The following TENM4 variants were observed in gnomAD, a reference collection of about 807,000 sequenced individuals.
TENM4 encodes the protein teneurin-4.
TENM4 carries 82 observed loss-of-function variants against 243.3 expected under a neutral mutation model. That is an observed-to-expected ratio of 0.34 (90% confidence interval 0.28 to 0.40). TENM4 has a LOEUF of 0.40. Among genes scored for constraint, TENM4 ranks in the 10% least tolerant of loss-of-function variants. The pLI, the probability that TENM4 is intolerant of heterozygous loss-of-function variation, is 1.00. For missense variants in TENM4, 3,138 were observed against 3,673.3 expected (o/e 0.85, Z 3.77); for synonymous variants, 1,412 against 1,456.3 (o/e 0.97, Z 0.69).
At chr11:79,027,475 G>A (rs866561015) in intron 6 of TENM4, among the ~76,000 whole-genome samples, 1 of 152,206 alleles carries the variant, frequency 6.6e-6, no homozygotes, top group African/African-American at 2.4e-5. Context: ...ATGTAGGTTA[G>A]GTGGCCACAG....
Position 78,732,384 on chromosome 11 carries a change from A to G in TENM4, c.3070T>C (p.Ser1024Pro), listed in dbSNP as rs1371957640. The G allele has an allele frequency of 1.2e-6, 2 of 1,613,908 alleles. No individual in the cohort carries two copies. The highest frequency in any genetic ancestry group is 1.7e-6 in the Non-Finnish European group (2 of 1,179,860). ...SNFARPNPVV[S>P]PSPLTSFASS... ...GCGAAGGACGTCAGTGGGGATGGAG[A>G]GACGACTGGGTTGGGGCGGGCAAAA... Residue 1024 changes from serine (S) to proline (P), a missense_variant, in exon 21 of 34, where the codon TCT (serine) becomes CCT (proline). Ser to Pro is a moderately conservative substitution (Grantham distance 74). Around this residue, in one of 2 missense-constraint regions of TENM4, gnomAD observed 2,467 missense variants for 3,059.1 expected, o/e 0.81. Coordinates refer to ENST00000278550, the MANE Select transcript of TENM4 (RefSeq NM_001098816.3).
chr11:79,292,951 T>C (rs747814360), intron 2 of TENM4, among the ~76,000 whole-genome samples: 6 of 152,192 alleles, frequency 3.9e-5, no homozygotes, highest in Admixed American at 6.5e-5. Context: ...CTATAAACCC[T>C]GTACCCTGTT....
chr11:79,123,963 T>C (rs780231842), intron 4 of TENM4, among the ~76,000 whole-genome samples: 1 of 152,096 alleles, frequency 6.6e-6, no homozygotes, highest in Non-Finnish European at 1.5e-5. Context: ...ACTTTCTTTT[T>C]CTTCTTCTTC....
intron 6 of TENM4, among the ~76,000 whole-genome samples, chr11:78,911,648 C>G (rs906529938): frequency 2.6e-5 from 4 of 152,106 alleles, no homozygotes; most frequent in African/African-American, 9.7e-5. Flanking sequence ...AGGGTGGGGC[C>G]CCAGTAGTGG....
Position 78,935,651 on chromosome 11 carries a change from A to G in TENM4, c.494-32128T>C, listed in dbSNP as rs76922225. Among the ~76,000 whole-genome samples the G allele has an allele frequency of 5.1e-3, 783 of 152,342 alleles. 4 individuals are homozygous for G. Among genetic ancestry groups the G allele is most frequent in the African/African-American group, 0.018 (748 of 41,574 alleles). ...CACAGAGTAAGGAACAGAGTATCAA[A>G]TACACATTTAAGAAAGTTCAAAGTC... On this transcript the variant is annotated intron_variant, in intron 6 of 33. Coordinates refer to ENST00000278550, the MANE Select transcript of TENM4 (RefSeq NM_001098816.3).
chr11:79,100,327 A>G (rs1392205205), intron 4 of TENM4, among the ~76,000 whole-genome samples: 2 of 151,694 alleles, frequency 1.3e-5, no homozygotes, highest in African/African-American at 4.8e-5. Flanking sequence ...GTGAGTACCC[A>G]AAGCTCCAGC....
chr11:78,921,766 C>T (rs577571861), intron 6 of TENM4, among the ~76,000 whole-genome samples: 1 of 152,338 alleles, frequency 6.6e-6, no homozygotes, highest in South Asian at 2.1e-4. Flanking sequence ...CTGCCTATCT[C>T]ACTTGTGATC....
chr11:78,830,473 T>G (rs1441960035), intron 12 of TENM4, among the ~76,000 whole-genome samples: 1 of 152,102 alleles, frequency 6.6e-6, no homozygotes, highest in East Asian at 1.9e-4. Flanking sequence ...TTCAAAGGAA[T>G]GTAACGGAAA....
intron 4 of TENM4, chr11:79,096,986 A>C (rs577137675): frequency 2.0e-5 from 3 of 152,200 alleles, no homozygotes; most frequent in African/African-American, 7.3e-5. Context: ...CTTGTGTAGA[A>C]GTACACAAAC....
chr11:79,305,617 GGAACCTCT>G (rs1292161786), intron 1 of TENM4, among the ~76,000 whole-genome samples: 4 of 152,202 alleles, frequency 2.6e-5, no homozygotes, highest in African/African-American at 9.6e-5. Context: ...AAGGAGATGC[GGAACCTCT>G]GACCGAGCAC....
chr11:79,137,603 G>T (rs1017431985), intron 4 of TENM4, among the ~76,000 whole-genome samples: 1 of 152,168 alleles, frequency 6.6e-6, no homozygotes. Flanking sequence ...CCGAAATGAG[G>T]ACTGTAATTG....
At chr11:79,062,259 C>G (rs971359742) in intron 6 of TENM4, among the ~76,000 whole-genome samples, 1 of 152,168 alleles carries the variant, frequency 6.6e-6, no homozygotes, top group Non-Finnish European at 1.5e-5. Flanking sequence ...CCATGCCCAG[C>G]CATACAACTA....
chr11:79,003,980 C>T (rs1338813768), intron 6 of TENM4, among the ~76,000 whole-genome samples: 3 of 139,212 alleles, frequency 2.2e-5, no homozygotes, highest in Non-Finnish European at 4.6e-5. Flanking sequence ...ACAGGGGTTG[C>T]TATTCTAATT....
chr11:79,337,654 A>G (rs1306351694), intron 1 of TENM4, among the ~76,000 whole-genome samples: 1 of 152,174 alleles, frequency 6.6e-6, no homozygotes, highest in Admixed American at 6.5e-5. Context: ...AAATGGGGAA[A>G]CTGGGGAAAC....
intron 4 of TENM4, among the ~76,000 whole-genome samples, chr11:79,074,198 T>A (rs1860481740): frequency 6.6e-6 from 1 of 152,186 alleles, no homozygotes; most frequent in Non-Finnish European, 1.5e-5. Context: ...ATATTTACTG[T>A]TTTTGAACAG....
intron 6 of TENM4, among the ~76,000 whole-genome samples, chr11:79,041,108 G>A (rs1335937739): frequency 6.7e-6 from 1 of 149,182 alleles, no homozygotes; most frequent in East Asian, 2.0e-4. Context: ...CTGTCACCTT[G>A]GCTGGCGTGC....
intron 30 of TENM4, 106 bp downstream of exon 30, chr11:78,676,046 C>A: frequency 9.2e-7 from 1 of 1,088,366 alleles, no homozygotes; most frequent in Non-Finnish European, 1.3e-6. Flanking sequence ...TCCCCTTTTG[C>A]AGATGAGTGA....
chr11:79,095,496 A>C (rs1375136747), intron 4 of TENM4, among the ~76,000 whole-genome samples: 3 of 152,212 alleles, frequency 2.0e-5, no homozygotes, highest in African/African-American at 7.2e-5. Context: ...ATGAGAGGAC[A>C]CTGCATTATC....
intron 6 of TENM4, among the ~76,000 whole-genome samples, chr11:78,905,413 G>A (rs1045538479): frequency 6.6e-6 from 1 of 152,138 alleles, no homozygotes; most frequent in Admixed American, 6.5e-5. Flanking sequence ...GGGAGTTAGG[G>A]GTGGAAGGGA....
Sources: allele counts gnomAD v4.1 joint callset (sites outside exome capture counted in the v4.1 genomes callset), GRCh38; gene constraint gnomAD v4.1.1; regional missense constraint gnomAD v4.1.1; transcripts MANE v1.5; gene names NCBI Gene and HGNC (gene_info 2026-07-23, HGNC 2026-07-21).